SNX29: variants seen among roughly 807,000 people sequenced by gnomAD.
SNX29 encodes the protein sorting nexin 29.
In SNX29, 78 loss-of-function variants were observed where a neutral mutation model predicts 102.1. The ratio of observed to expected loss-of-function variants is 0.76; its 90% CI spans 0.64 to 0.92. The LOEUF (loss-of-function observed/expected upper bound fraction) is 0.92. Among genes scored for constraint, SNX29 ranks in the 40% least tolerant of loss-of-function variants. The pLI is 0.00. For synonymous variants in SNX29, 580 were observed against 414.5 expected (o/e 1.40, Z -4.85); for missense variants, 1,280 against 1,061.7 (o/e 1.21, Z -2.86).
intron 3 of SNX29, among the ~76,000 whole-genome samples, chr16:12,004,252 A>G (rs147324608): frequency 0.031 from 4,745 of 151,414 alleles, 248 homozygotes; most frequent in African/African-American, 0.11. Flanking sequence ...GAGGCAGGAG[A>G]ATTGCCTAAA....
At chr16:12,330,547 G>A (rs1276133424) in intron 15 of SNX29, among the ~76,000 whole-genome samples, 3 of 152,202 alleles carry the variant, frequency 2.0e-5, no homozygotes, top group Non-Finnish European at 4.4e-5. Context: ...AGCTCTGGAC[G>A]ACAGGTGGTC....
chr16:12,168,781 C>T (rs893666830), intron 13 of SNX29, among the ~76,000 whole-genome samples: 3 of 152,222 alleles, frequency 2.0e-5, no homozygotes, highest in Admixed American at 6.5e-5. Flanking sequence ...TTTCTATCAA[C>T]GCATTCTGGT....
chr16:12,227,469 G>T (rs1378337980), intron 14 of SNX29, among the ~76,000 whole-genome samples: 1 of 152,152 alleles, frequency 6.6e-6, no homozygotes. Flanking sequence ...AGGCTGAAAG[G>T]CACACAGAAA....
At chr16:12,386,088 G>A (rs1034839651) in intron 16 of SNX29, among the ~76,000 whole-genome samples, 1 of 152,250 alleles carries the variant, frequency 6.6e-6, no homozygotes, top group Non-Finnish European at 1.5e-5. Flanking sequence ...TGCACACGGA[G>A]ACTCCAGGGC....
intron 11 of SNX29, chr16:12,093,783 A>G (rs1481171762): frequency 6.6e-6 from 1 of 152,170 alleles, no homozygotes; most frequent in African/African-American, 2.4e-5. Context: ...GATTTCAGAT[A>G]CCTCTTGCAA....
At chr16:12,161,374 A>C (rs917797504) in intron 13 of SNX29, among the ~76,000 whole-genome samples, 4 of 152,148 alleles carry the variant, frequency 2.6e-5, no homozygotes, top group Non-Finnish European at 4.4e-5. Flanking sequence ...CCATGTGGTC[A>C]CTGGGAAGCT....
chr16:11,986,720 G>C (rs559129090), intron 1 of SNX29, among the ~76,000 whole-genome samples: 82 of 152,270 alleles, frequency 5.4e-4, no homozygotes, highest in African/African-American at 1.9e-3. Context: ...GGATAGGATT[G>C]GTAGGCGTTT....
intron 18 of SNX29, among the ~76,000 whole-genome samples, chr16:12,413,628 A>T (rs2084498685): frequency 6.6e-6 from 1 of 152,138 alleles, no homozygotes; most frequent in Admixed American, 6.5e-5. Flanking sequence ...GTGAGTGTTC[A>T]GTGGTACGCT....
chr16:12,404,508 C>T (rs901465272), intron 18 of SNX29, among the ~76,000 whole-genome samples: 2 of 152,156 alleles, frequency 1.3e-5, no homozygotes, highest in East Asian at 3.9e-4. Flanking sequence ...CTGCTTCCTG[C>T]TTCTCCTGTC....
At chr16:12,083,302 T>C (rs2052000780) in intron 11 of SNX29, among the ~76,000 whole-genome samples, 1 of 132,070 alleles carries the variant, frequency 7.6e-6, no homozygotes, top group African/African-American at 3.5e-5. Context: ...CAAGACTATG[T>C]CTCAAAAAAA....
chr16:12,418,890 C>T (rs1404553445), intron 18 of SNX29, among the ~76,000 whole-genome samples: 1 of 152,138 alleles, frequency 6.6e-6, no homozygotes, highest in African/African-American at 2.4e-5. Flanking sequence ...CCCAGAAGTC[C>T]CCTTCTCCAT....
At chr16:12,344,705 T>A (rs918248475) in intron 15 of SNX29, among the ~76,000 whole-genome samples, 3 of 152,368 alleles carry the variant, frequency 2.0e-5, no homozygotes, top group East Asian at 3.9e-4. Context: ...GACAGTGGCC[T>A]CACTGTATCC....
At chr16:12,330,286 G>A (rs2081256570) in intron 15 of SNX29, among the ~76,000 whole-genome samples, 1 of 152,044 alleles carries the variant, frequency 6.6e-6, no homozygotes, top group Non-Finnish European at 1.5e-5. Context: ...GACCAACATG[G>A]CGAAACCCCA....
At chr16:12,472,528 C>CAA (rs2087397449) in intron 18 of SNX29, among the ~76,000 whole-genome samples, 3 of 111,526 alleles carry the variant, frequency 2.7e-5, no homozygotes, top group African/African-American at 1.3e-4. Context: ...CAAAAAAAAA[C>CAA]CAAAAAAAAA....
chr16:12,258,124 A>G (rs748281283), intron 14 of SNX29, among the ~76,000 whole-genome samples: 1 of 152,138 alleles, frequency 6.6e-6, no homozygotes, highest in Admixed American at 6.5e-5. Context: ...GCAATCAGCA[A>G]ACAGGTCACA....
chr16:12,377,603 A>C (rs1420475759), intron 16 of SNX29, among the ~76,000 whole-genome samples: 1 of 152,196 alleles, frequency 6.6e-6, no homozygotes, highest in Admixed American at 6.5e-5. Flanking sequence ...TCAGGCAGGT[A>C]ATAGATGCAG....
intron 11 of SNX29, among the ~76,000 whole-genome samples, chr16:12,082,264 C>T (rs2051937822): frequency 3.3e-5 from 5 of 151,954 alleles, no homozygotes; most frequent in East Asian, 1.9e-4. Context: ...TTGTAGGCAC[C>T]GTAAGTAGGG....
chr16:12,047,651 CTTTTT>C (rs376623418), intron 6 of SNX29, among the ~76,000 whole-genome samples: 1 of 126,632 alleles, frequency 7.9e-6, no homozygotes, highest in Admixed American at 8.2e-5. Flanking sequence ...GGACCAAGGT[CTTTTT>C]TTTTTTTTTT....
intron 15 of SNX29, among the ~76,000 whole-genome samples, chr16:12,349,037 G>A (rs75044994): frequency 0.063 from 9,644 of 152,226 alleles, 1,015 homozygotes; most frequent in African/African-American, 0.22. Flanking sequence ...GTGGCCTCCC[G>A]GTAGAGGAGC....
Sources: allele counts gnomAD v4.1 joint callset (sites outside exome capture counted in the v4.1 genomes callset), GRCh38; gene constraint gnomAD v4.1.1; transcripts MANE v1.5; gene names NCBI Gene and HGNC (gene_info 2026-07-23, HGNC 2026-07-21).